The following CDC14A variants were observed in gnomAD, a reference collection of about 807,000 sequenced individuals.
CDC14A encodes cell division cycle 14A.
In CDC14A, 53 loss-of-function variants were observed where a neutral mutation model predicts 74.4. The ratio of observed to expected loss-of-function variants is 0.71; its 90% CI spans 0.57 to 0.89. CDC14A has a LOEUF of 0.89. Among genes scored for constraint, CDC14A ranks in the 40% least tolerant of loss-of-function variants. The pLI is 0.00. For missense variants in CDC14A, 646 were observed against 713.7 expected (o/e 0.91, Z 1.08); for synonymous variants, 247 against 258.4 (o/e 0.96, Z 0.43).
chr1:100,377,671 T>C (rs765268593), intron 3 of CDC14A, 50 bp downstream of exon 3: 1 of 1,388,170 alleles, frequency 7.2e-7, no homozygotes, highest in East Asian at 2.3e-5. Flanking sequence ...ATTTGAACCA[T>C]AGGATCTGCT....
Position 100,508,306 on chromosome 1 carries a change from TA to T in CDC14A, c.1755+9045del, listed in dbSNP as rs1649414866. ...GTGTGTATATATATAGATATATATA[TA>T]TATTTTTTTCACTTGAAGGATCTCA... On this transcript the variant is annotated intron_variant, in intron 15 of 15. Transcript: ENST00000336454. The surrounding 1 kb of genome is among the most constrained non-coding windows in gnomAD (Gnocchi z 4.4). Among the ~76,000 whole-genome samples, 2 of 151,650 alleles carry T rather than the reference TA, an allele frequency of 1.3e-5. No individual in the cohort carries two copies. Among genetic ancestry groups the T allele is most frequent in the Admixed American group, 6.6e-5 (1 of 15,226 alleles).
At chr1:100,418,001 T>C (rs1399218593) in intron 4 of CDC14A, among the ~76,000 whole-genome samples, 4 of 152,162 alleles carry the variant, frequency 2.6e-5, no homozygotes, top group African/African-American at 7.2e-5. Flanking sequence ...GAGGGGCCCA[T>C]CAGGATGTGC....
At chr1:100,505,020 A>G (rs1649109369) in intron 15 of CDC14A, 2 of 1,259,182 alleles carry the variant, frequency 1.6e-6, no homozygotes, top group Non-Finnish European at 2.1e-6. Context: ...TTGTTTACAT[A>G]TTGTCTGTGT....
chr1:100,417,221 G>A (rs1645710770), intron 4 of CDC14A, among the ~76,000 whole-genome samples: 1 of 152,136 alleles, frequency 6.6e-6, no homozygotes, highest in Non-Finnish European at 1.5e-5. Flanking sequence ...GGAGGAGGTG[G>A]CATCTAAACA....
intron 2 of CDC14A, among the ~76,000 whole-genome samples, chr1:100,364,310 C>CGATT (rs202102991): frequency 0.011 from 1,717 of 151,770 alleles, 29 homozygotes; most frequent in African/African-American, 0.04. Context: ...CAGGTTCAAG[C>CGATT]GATTCTCTTG....
intron 2 of CDC14A, among the ~76,000 whole-genome samples, chr1:100,372,569 A>T (rs1387653100): frequency 6.6e-6 from 1 of 152,230 alleles, no homozygotes; most frequent in African/African-American, 2.4e-5. Context: ...AGCATGATAA[A>T]GTTGAATGAG....
At chr1:100,450,192 C>T (rs1260465923) in intron 7 of CDC14A, among the ~76,000 whole-genome samples, 1 of 152,110 alleles carries the variant, frequency 6.6e-6, no homozygotes, top group Non-Finnish European at 1.5e-5. Flanking sequence ...GGTGTAGAGT[C>T]CTAACAATTG....
intron 3 of CDC14A, among the ~76,000 whole-genome samples, chr1:100,382,454 T>C (rs889575927): frequency 6.6e-6 from 1 of 150,748 alleles, no homozygotes; most frequent in Admixed American, 6.6e-5. Flanking sequence ...ATCAGGCTGG[T>C]CTTGAACTTC....
chr1:100,462,540 T>C lies in CDC14A; in HGVS notation c.608-111T>C, dbSNP rs540930227. 1.1e-5 allele frequency: 9 copies of C among 811,014 alleles called. No homozygotes were observed. The East Asian group carries it at 2.4e-4, about 21-fold the overall frequency. The allele number at this position is 811,014 out of a possible 1,614,324, so 50.2% of individuals were successfully genotyped here. A position where few individuals can be genotyped will look rare whatever the true frequency, so the allele number is the denominator to read the frequency against. ...ACCTCTTCTCTCACACAACACACTT[T>C]CCTCCCAAGCTTTGTTGAGATTTAT... On this transcript the variant is annotated intron_variant, in intron 8 of 15. Transcript: ENST00000336454.
chr1:100,406,087 G>C (rs816091), intron 4 of CDC14A, among the ~76,000 whole-genome samples: 1 of 152,086 alleles, frequency 6.6e-6, no homozygotes, highest in African/African-American at 2.4e-5. Context: ...GGCATGAGAT[G>C]GTATCTCATT....
At chr1:100,457,581 C>T (rs575979277) in intron 8 of CDC14A, among the ~76,000 whole-genome samples, 4 of 151,868 alleles carry the variant, frequency 2.6e-5, no homozygotes, top group Admixed American at 6.6e-5. Context: ...GCCTCAGCCT[C>T]CCAAGTAGCT....
chr1:100,387,222 A>G (rs2100978104), intron 3 of CDC14A, among the ~76,000 whole-genome samples: 1 of 152,304 alleles, frequency 6.6e-6, no homozygotes, highest in Middle Eastern at 3.4e-3. Context: ...TAATTTTGAT[A>G]TTAGCAAATT....
At chr1:100,489,029 T>C (rs1246704413) in intron 11 of CDC14A, among the ~76,000 whole-genome samples, 1 of 152,084 alleles carries the variant, frequency 6.6e-6, no homozygotes, top group Admixed American at 6.5e-5. Flanking sequence ...AGGTCCAGGT[T>C]TTAAAGGTCC....
intron 4 of CDC14A, among the ~76,000 whole-genome samples, chr1:100,394,218 G>A (rs1328097718): frequency 6.6e-6 from 1 of 152,070 alleles, no homozygotes; most frequent in Non-Finnish European, 1.5e-5. Context: ...GTGCTCAAGC[G>A]ATCCTCCTGC....
intron 3 of CDC14A, among the ~76,000 whole-genome samples, chr1:100,381,877 G>A (rs1044608960): frequency 6.6e-6 from 1 of 152,130 alleles, no homozygotes; most frequent in African/African-American, 2.4e-5. Context: ...CTAGGATAGG[G>A]GAAGCAATCA....
chr1:100,401,169 A>G lies in CDC14A; in HGVS notation c.309+10345A>G, dbSNP rs114065538. On this transcript the variant is annotated intron_variant, in intron 4 of 15. Transcript: ENST00000336454. ...CGGTTTTTGCTACTTCAAACAATAT[A>G]TACTGAATTAAGGGGATGTACTTTT... Among the ~76,000 whole-genome samples, 590 of 152,346 alleles carry G rather than the reference A, an allele frequency of 3.9e-3. 5 individuals are homozygous for G. Among genetic ancestry groups the G allele is most frequent in the African/African-American group, 0.013 (558 of 41,576 alleles).
chr1:100,354,717 A>G (rs1466992164), intron 2 of CDC14A, among the ~76,000 whole-genome samples: 3 of 152,238 alleles, frequency 2.0e-5, no homozygotes, highest in Non-Finnish European at 4.4e-5. Flanking sequence ...GGAGTCTAAT[A>G]TATTCTATTT....
intron 7 of CDC14A, among the ~76,000 whole-genome samples, chr1:100,452,586 T>C (rs1666261082): frequency 6.6e-6 from 1 of 152,202 alleles, no homozygotes; most frequent in African/African-American, 2.4e-5. Context: ...GAGAGTGAGT[T>C]ATTCAAAAGA....
intron 9 of CDC14A, among the ~76,000 whole-genome samples, chr1:100,465,125 C>T (rs1205983980): frequency 6.6e-6 from 1 of 151,898 alleles, no homozygotes; most frequent in Non-Finnish European, 1.5e-5. Context: ...TGGGGTTCTG[C>T]TGGCCAGAAC....
Sources: allele counts gnomAD v4.1 joint callset (sites outside exome capture counted in the v4.1 genomes callset), GRCh38; gene constraint gnomAD v4.1.1; non-coding constraint Gnocchi (gnomAD v3.1); transcripts MANE v1.5; gene names NCBI Gene and HGNC (gene_info 2026-07-23, HGNC 2026-07-21).